Variants in RNF150 observed in about 807,000 individuals in gnomAD.
The protein encoded by RNF150 is ring finger protein 150.
In RNF150, 24 loss-of-function variants were observed where a neutral mutation model predicts 39.3. That is an observed-to-expected ratio of 0.61 (90% CI 0.44 to 0.86). The LOEUF (loss-of-function observed/expected upper bound fraction) is 0.86. Ranked by LOEUF, RNF150 falls within the 40% of genes least tolerant of loss-of-function variation. The probability of loss-of-function intolerance (pLI) is 0.00; values close to 1 mark genes in which losing one functional copy is unlikely to be tolerated. For missense variants in RNF150, 502 were observed against 587.8 expected, an observed-to-expected ratio of 0.85 and a Z score of 1.51; for synonymous variants, 255 against 227.3, an observed-to-expected ratio of 1.12 and a Z score of -1.10.
At chr4:141,115,620 T>A (rs1193470999) in intron 1 of RNF150, among the ~76,000 whole-genome samples, 1 of 152,066 alleles carries the variant, frequency 6.6e-6, no homozygotes, top group East Asian at 1.9e-4. Flanking sequence ...ACTTTCTTCA[T>A]AGAATTAAAA....
At chr4:141,002,799 G>A (rs1734713905) in intron 1 of RNF150, among the ~76,000 whole-genome samples, 1 of 152,112 alleles carries the variant, frequency 6.6e-6, no homozygotes, top group African/African-American at 2.4e-5. Context: ...CTGCCAACCT[G>A]GGTAGCGCAC....
At chr4:141,138,296 T>C (rs1050882135), upstream of RNF150, among the ~76,000 whole-genome samples, 1 of 152,166 alleles carries the variant, frequency 6.6e-6, no homozygotes, top group Non-Finnish European at 1.5e-5. Context: ...ATTAATTGAT[T>C]GGTGGATTGC....
chr4:141,055,458 T>A (rs1472302910), intron 1 of RNF150, among the ~76,000 whole-genome samples: 4 of 152,148 alleles, frequency 2.6e-5, no homozygotes, highest in African/African-American at 9.7e-5. Context: ...CTTTTTGTTT[T>A]TTGGAAGACC....
chr4:141,071,811 T>C (rs1737717401), intron 1 of RNF150, among the ~76,000 whole-genome samples: 1 of 152,200 alleles, frequency 6.6e-6, no homozygotes, highest in Admixed American at 6.5e-5. Context: ...TCAGAAAATC[T>C]TGACAGCACT....
chr4:141,012,036 T>C (rs915850217), intron 1 of RNF150, among the ~76,000 whole-genome samples: 7 of 152,274 alleles, frequency 4.6e-5, no homozygotes, highest in Non-Finnish European at 8.8e-5. Context: ...CTCATTCTTT[T>C]TTGAGTACAG....
intron 4 of RNF150, among the ~76,000 whole-genome samples, chr4:140,940,804 A>C (rs1732051129): frequency 6.6e-6 from 1 of 152,230 alleles, no homozygotes; most frequent in Admixed American, 6.5e-5. Flanking sequence ...GTATAAATAT[A>C]GCTAGCTGGC....
intron 1 of RNF150, among the ~76,000 whole-genome samples, chr4:141,130,661 C>G (rs1342126558): frequency 6.6e-6 from 1 of 152,194 alleles, no homozygotes; most frequent in Admixed American, 6.5e-5. Flanking sequence ...AACAAAGAAT[C>G]TCACAAAGTC....
intron 6 of RNF150, among the ~76,000 whole-genome samples, chr4:140,869,578 C>T (rs1023695041): frequency 6.6e-6 from 1 of 152,062 alleles, no homozygotes; most frequent in Admixed American, 6.6e-5. Context: ...GCAGGTTGAC[C>T]ATTTACTAGG....
chr4:141,178,221 A>G (rs1204198346), intron 1 of RNF150, among the ~76,000 whole-genome samples: 1 of 151,960 alleles, frequency 6.6e-6, no homozygotes, highest in East Asian at 1.9e-4. Context: ...TGTCTGTTGC[A>G]CCCTCAGAGT....
At chr4:141,058,189 T>G (rs1737066399) in intron 1 of RNF150, among the ~76,000 whole-genome samples, 1 of 152,164 alleles carries the variant, frequency 6.6e-6, no homozygotes, top group Non-Finnish European at 1.5e-5. Context: ...AGTAAACCTT[T>G]AATAATATGT....
intron 1 of RNF150, among the ~76,000 whole-genome samples, chr4:141,140,667 A>C (rs1256943779): frequency 1.3e-5 from 2 of 152,236 alleles, no homozygotes; most frequent in African/African-American, 4.8e-5. Context: ...ACTAAAAGCC[A>C]AGACATTCAG....
chr4:141,060,422 CAG>C, intron 1 of RNF150, among the ~76,000 whole-genome samples: 1 of 152,118 alleles, frequency 6.6e-6, no homozygotes, highest in East Asian at 1.9e-4. Context: ...GCCTGGGTGA[CAG>C]AGCAAGACTC....
chr4:140,953,140 G>A (rs889981942), intron 2 of RNF150, among the ~76,000 whole-genome samples: 3 of 152,158 alleles, frequency 2.0e-5, no homozygotes, highest in South Asian at 2.1e-4. Flanking sequence ...TGACCAAAAC[G>A]TAGTTATGCA....
intron 2 of RNF150, among the ~76,000 whole-genome samples, chr4:140,949,829 T>C (rs146959382): frequency 2.0e-3 from 301 of 152,354 alleles, no homozygotes; most frequent in African/African-American, 6.6e-3. Context: ...AATCTGCTCA[T>C]ATAGGCATAA....
intron 1 of RNF150, among the ~76,000 whole-genome samples, chr4:141,068,311 C>T (rs1455646750): frequency 6.6e-6 from 1 of 152,166 alleles, no homozygotes; most frequent in Non-Finnish European, 1.5e-5. Context: ...AGTTTTAGCA[C>T]TGATGTTGAT....
chr4:140,952,303 C>A (rs1056411211), intron 2 of RNF150, among the ~76,000 whole-genome samples: 2 of 152,178 alleles, frequency 1.3e-5, no homozygotes, highest in African/African-American at 4.8e-5. Context: ...TGAGCCACAG[C>A]GCCCGACCAG....
At chr4:141,190,348 T>C (rs944273064) in intron 1 of RNF150, among the ~76,000 whole-genome samples, 4 of 152,194 alleles carry the variant, frequency 2.6e-5, no homozygotes, top group African/African-American at 4.8e-5. Flanking sequence ...TCTGACCTAA[T>C]CAGGTGAGCC....
intron 1 of RNF150, among the ~76,000 whole-genome samples, chr4:141,193,559 T>A (rs1223407415): frequency 6.6e-6 from 1 of 152,208 alleles, no homozygotes; most frequent in Non-Finnish European, 1.5e-5. Flanking sequence ...AAAGACAATA[T>A]CCCTCTCTTT....
chr4:140,986,736 T>C (rs1196501686), intron 1 of RNF150, among the ~76,000 whole-genome samples: 2 of 152,026 alleles, frequency 1.3e-5, no homozygotes, highest in Non-Finnish European at 2.9e-5. Context: ...CCGTTTACTG[T>C]ACAGCCAAGT....
Sources: allele counts gnomAD v4.1 joint callset (sites outside exome capture counted in the v4.1 genomes callset), GRCh38; gene constraint gnomAD v4.1.1; transcripts MANE v1.5; gene names NCBI Gene and HGNC (gene_info 2026-07-23, HGNC 2026-07-21).